SEM1: variants seen among roughly 807,000 people sequenced by gnomAD.
The protein encoded by SEM1 is SEM1 26S proteasome subunit.
Under a neutral mutation model 12.7 loss-of-function variants are expected in SEM1, and 3 were observed. The ratio of observed to expected loss-of-function variants is 0.24; its 90% CI spans 0.11 to 0.61. The LOEUF is 0.61. Among genes scored for constraint, SEM1 ranks in the 20% least tolerant of loss-of-function variants. SEM1 has a pLI of 0.88. For synonymous variants in SEM1, 30 were observed against 27.8 expected (o/e 1.08, Z -0.25); for missense variants, 59 against 81.3 (o/e 0.73, Z 1.06).
At chr7:96,536,197 A>T (rs1344583673) in intron 2 of SEM1, among the ~76,000 whole-genome samples, 1 of 151,834 alleles carries the variant, frequency 6.6e-6, no homozygotes, top group Non-Finnish European at 1.5e-5. Context: ...ATTATTTAGA[A>T]GTGTGTGACT....
chr7:96,619,669 A>G (rs1807828870), downstream of SEM1, among the ~76,000 whole-genome samples: 1 of 151,900 alleles, frequency 6.6e-6, no homozygotes, highest in Admixed American at 6.6e-5. Context: ...TGGGTGATGA[A>G]AGTAGCAGTA....
intron 2 of SEM1, among the ~76,000 whole-genome samples, chr7:96,627,489 G>T (rs567537106): frequency 6.6e-6 from 1 of 152,078 alleles, no homozygotes; most frequent in South Asian, 2.1e-4. Flanking sequence ...GTTTCAAGAA[G>T]ATTTTCAATT....
At chr7:96,651,791 T>G (rs1356579313) in intron 2 of SEM1, among the ~76,000 whole-genome samples, 1 of 152,178 alleles carries the variant, frequency 6.6e-6, no homozygotes, top group Non-Finnish European at 1.5e-5. Context: ...CAGGCTGGTC[T>G]CGAACTCCTG....
At chr7:96,618,068 C>A (rs1265634533), downstream of SEM1, among the ~76,000 whole-genome samples, 1 of 152,094 alleles carries the variant, frequency 6.6e-6, no homozygotes, top group Admixed American at 6.5e-5. Context: ...GTTCCCCCCT[C>A]CTCATTTTTT....
At chr7:96,650,506 G>A (rs1315530451) in intron 2 of SEM1, 1 of 755,840 alleles carries the variant, frequency 1.3e-6, no homozygotes, top group Non-Finnish European at 2.4e-6. Flanking sequence ...ACAGCTCAGG[G>A]CTTTTTCTCA....
chr7:96,600,105 T>C (rs1016331572), intron 2 of SEM1, among the ~76,000 whole-genome samples: 16 of 152,196 alleles, frequency 1.1e-4, no homozygotes, highest in Non-Finnish European at 2.1e-4. Flanking sequence ...ATTTACATAC[T>C]TTTAAATGCC....
Position 96,511,390 on chromosome 7 carries a change from G to C in SEM1, c.171-4692C>G, listed in dbSNP as rs1346607803. 2.0e-5 allele frequency among the ~76,000 whole-genome samples: 3 copies of C among 152,112 alleles called. No individual in the cohort carries two copies. The South Asian group carries it at 6.2e-4, about 32-fold the overall frequency. ...ATACAATTTAATAAAGATTCCAAGA[G>C]AGAGATTCTTTTTGATTGAAGAATT... On this transcript the variant is annotated intron_variant and NMD_transcript_variant, in intron 2 of 3. Transcript: ENST00000466986.
At chr7:96,586,591 G>T (rs1485962589) in intron 2 of SEM1, among the ~76,000 whole-genome samples, 7 of 152,124 alleles carry the variant, frequency 4.6e-5, no homozygotes, top group African/African-American at 7.2e-5. Flanking sequence ...CAGAGATGTG[G>T]TATTCATTTA....
intron 2 of SEM1, among the ~76,000 whole-genome samples, chr7:96,524,075 T>C (rs775440146): frequency 5.3e-5 from 8 of 152,148 alleles, no homozygotes; most frequent in Non-Finnish European, 8.8e-5. Flanking sequence ...ACTTCTTATG[T>C]AGACTTTTTG....
At chr7:96,533,901 GA>G (rs950865659) in intron 2 of SEM1, among the ~76,000 whole-genome samples, 6 of 150,540 alleles carry the variant, frequency 4.0e-5, no homozygotes, top group South Asian at 2.1e-4. Flanking sequence ...GTACTCACAG[GA>G]AAAAAAAATC....
At chr7:96,597,240 T>C (rs1376946232) in intron 2 of SEM1, among the ~76,000 whole-genome samples, 1 of 152,158 alleles carries the variant, frequency 6.6e-6, no homozygotes. Flanking sequence ...ATTAGGAGTA[T>C]ACGTGAAATA....
At chr7:96,692,439 G>C (rs1789957110) in intron 2 of SEM1, among the ~76,000 whole-genome samples, 1 of 152,120 alleles carries the variant, frequency 6.6e-6, no homozygotes, top group Non-Finnish European at 1.5e-5. Context: ...ACAGCATTTG[G>C]AAGACCTGAA....
intron 1 of SEM1, among the ~76,000 whole-genome samples, chr7:96,494,426 GTTA>G (rs1803156140): frequency 6.7e-6 from 1 of 150,216 alleles, no homozygotes; most frequent in African/African-American, 2.5e-5. Context: ...TTTTGGTCCA[GTTA>G]ATAAAGAGAT....
chr7:96,494,211 G>C (rs865989767), intron 1 of SEM1, among the ~76,000 whole-genome samples: 1 of 152,076 alleles, frequency 6.6e-6, no homozygotes, highest in Non-Finnish European at 1.5e-5. Flanking sequence ...ACAAACTCGG[G>C]CCAGTGAATT....
downstream of SEM1, among the ~76,000 whole-genome samples, chr7:96,618,688 C>T (rs1250615441): frequency 1.3e-5 from 2 of 152,064 alleles, no homozygotes; most frequent in East Asian, 1.9e-4. Context: ...AGCTTTTACA[C>T]TTATTTTGTA....
intron 2 of SEM1, among the ~76,000 whole-genome samples, chr7:96,545,373 C>T (rs1805075033): frequency 6.6e-6 from 1 of 151,866 alleles, no homozygotes; most frequent in South Asian, 2.1e-4. Context: ...ACAAGCTGCT[C>T]AGAACGCCAA....
chr7:96,595,557 G>A lies in SEM1; in HGVS notation c.171-88859C>T, dbSNP rs79965508. On this transcript the variant is annotated intron_variant and NMD_transcript_variant, in intron 2 of 3. Transcript: ENST00000466986. Reference sequence around the variant, plus strand: ...ATTGTCATATGAAAAGGCAATCAAAGACTCTGTTGTCCCCAAAGTAAGAAC... The same window carrying A: ...ATTGTCATATGAAAAGGCAATCAAAAACTCTGTTGTCCCCAAAGTAAGAAC... Among the ~76,000 whole-genome samples, 929 of 152,196 alleles carry A rather than the reference G, an allele frequency of 6.1e-3. 8 individuals carry two copies. Among genetic ancestry groups the A allele is most frequent in the African/African-American group, 0.021 (876 of 41,540 alleles).
intron 2 of SEM1, among the ~76,000 whole-genome samples, chr7:96,528,200 T>G (rs558983249): frequency 6.6e-6 from 1 of 152,028 alleles, no homozygotes; most frequent in African/African-American, 2.4e-5. Flanking sequence ...TTTTGTGGGG[T>G]TGTTTTGTTT....
At chr7:96,659,303 T>C (rs970010347) in intron 2 of SEM1, among the ~76,000 whole-genome samples, 1 of 152,150 alleles carries the variant, frequency 6.6e-6, no homozygotes, top group Non-Finnish European at 1.5e-5. Flanking sequence ...AGGCTCCTTA[T>C]AGCAATAAGG....
Sources: allele counts gnomAD v4.1 joint callset (sites outside exome capture counted in the v4.1 genomes callset), GRCh38; gene constraint gnomAD v4.1.1; transcripts MANE v1.5; gene names NCBI Gene and HGNC (gene_info 2026-07-23, HGNC 2026-07-21).